The following TMEM87A variants were observed in gnomAD, a reference collection of about 807,000 sequenced individuals.
The protein encoded by TMEM87A is Golgi-pH regulating cation channel.
Under a neutral mutation model 90.0 loss-of-function variants are expected in TMEM87A, and 50 were observed. The ratio of observed to expected loss-of-function variants is 0.56; its 90% CI spans 0.44 to 0.70. TMEM87A has a LOEUF of 0.70. Among genes scored for constraint, TMEM87A ranks in the 30% least tolerant of loss-of-function variants. The probability of loss-of-function intolerance (pLI) is 0.00; values close to 1 mark genes in which losing one functional copy is unlikely to be tolerated. For synonymous variants in TMEM87A, 226 were observed against 226.7 expected (o/e 1.00, Z 0.03); for missense variants, 577 against 660.5 (o/e 0.87, Z 1.39).
rs141658814 is a variant in TMEM87A at position 42,247,919 on chromosome 15, C to T, written c.505-3752G>A. Among the ~76,000 whole-genome samples the T allele has an allele frequency of 8.9e-4, 136 of 152,288 alleles. 2 individuals are homozygous for T. In the East Asian group the frequency reaches 0.025, roughly 28 times the overall value. On this transcript the variant is annotated intron_variant, in intron 6 of 19. Transcript: ENST00000389834. The stretch of plus-strand genomic sequence containing the variant: ...AATATTGATTCTTCCTATCCATGAG[C>T]ATGGAATGTTCTTCCATTTGTTTGT...
chr15:42,212,621 T>C (rs1175906833), intron 19 of TMEM87A, among the ~76,000 whole-genome samples: 2 of 152,186 alleles, frequency 1.3e-5, no homozygotes, highest in Non-Finnish European at 2.9e-5. Context: ...GTGGAGAACA[T>C]TTTCCCCTAC....
At chr15:42,238,011 G>A (rs1205590425) in intron 8 of TMEM87A, among the ~76,000 whole-genome samples, 2 of 2,242 alleles carry the variant, frequency 8.9e-4, no homozygotes, top group East Asian at 0.012. Flanking sequence ...ATATATGTGT[G>A]TGTGTGTGTG....
chr15:42,216,961 CTT>C (rs200586475), intron 19 of TMEM87A, among the ~76,000 whole-genome samples: 31 of 138,334 alleles, frequency 2.2e-4, no homozygotes, highest in Non-Finnish European at 2.4e-4. Flanking sequence ...TTTTTCTTTT[CTT>C]TTTTTTTTTT....
intron 3 of TMEM87A, among the ~76,000 whole-genome samples, chr15:42,264,560 G>A (rs1407758144): frequency 1.6e-5 from 2 of 122,426 alleles, no homozygotes; most frequent in Non-Finnish European, 3.3e-5. Flanking sequence ...CATAAGCTAA[G>A]ATAGAGCAGA....
intron 11 of TMEM87A, 96 bp from the exon 12 acceptor site, chr15:42,231,356 A>G: frequency 1.0e-6 from 1 of 965,072 alleles, no homozygotes; most frequent in South Asian, 1.9e-5. Context: ...AATCACTGGA[A>G]AGTTTTTGCA....
chr15:42,259,502 A>G (rs1177571057), intron 6 of TMEM87A, among the ~76,000 whole-genome samples: 2 of 152,206 alleles, frequency 1.3e-5, no homozygotes, highest in Non-Finnish European at 2.9e-5. Context: ...GAGATCACCC[A>G]GTGTCAACAA....
intron 10 of TMEM87A, among the ~76,000 whole-genome samples, chr15:42,235,568 T>C (rs2050754986): frequency 6.6e-6 from 1 of 152,242 alleles, no homozygotes; most frequent in Non-Finnish European, 1.5e-5. Flanking sequence ...TTCTCTTTCC[T>C]ATCATACATC....
At chr15:42,272,927 G>C (rs767550167) in intron 1 of TMEM87A, 4 of 513,982 alleles carry the variant, frequency 7.8e-6, no homozygotes, top group Non-Finnish European at 1.5e-5. Flanking sequence ...TGGATTCTGT[G>C]AAACATCTGA....
intron 10 of TMEM87A, 71 bp downstream of exon 10, chr15:42,236,249 G>A: frequency 8.0e-7 from 1 of 1,248,260 alleles, no homozygotes; most frequent in South Asian, 1.2e-5. Flanking sequence ...TACTACATTG[G>A]GAACATGCAA....
intron 6 of TMEM87A, among the ~76,000 whole-genome samples, chr15:42,244,373 C>T (rs955709355): frequency 6.6e-6 from 1 of 151,950 alleles, no homozygotes; most frequent in African/African-American, 2.4e-5. Flanking sequence ...AGGCAAGATA[C>T]CATGTCTTGT....
At chr15:42,228,611 A>C (rs1345094072) in intron 13 of TMEM87A, 101 bp downstream of exon 13, 1 of 923,846 alleles carries the variant, frequency 1.1e-6, no homozygotes, top group African/African-American at 1.7e-5. Context: ...TTCCAAGTGA[A>C]ATATACAAAA....
At chr15:42,273,547 A>C (rs998049880), upstream of TMEM87A, 29 of 1,368,746 alleles carry the variant, frequency 2.1e-5, no homozygotes, top group Non-Finnish European at 2.7e-5. Context: ...CCCCTCTCTC[A>C]GACAGTCGTC....
intron 15 of TMEM87A, 64 bp from the exon 16 acceptor site, chr15:42,220,199 G>T: frequency 8.2e-7 from 1 of 1,224,694 alleles, no homozygotes; most frequent in Non-Finnish European, 1.2e-6. Flanking sequence ...TATACCAGTT[G>T]CATTTTACAA....
chr15:42,242,028 C>T (rs187940671), intron 7 of TMEM87A, among the ~76,000 whole-genome samples: 260 of 146,676 alleles, frequency 1.8e-3, no homozygotes, highest in African/African-American at 6.4e-3. Context: ...GATCACACCA[C>T]TGCACTCCAG....
At chr15:42,246,344 G>A (rs927094230) in intron 6 of TMEM87A, among the ~76,000 whole-genome samples, 6 of 152,042 alleles carry the variant, frequency 3.9e-5, no homozygotes, top group Admixed American at 2.0e-4. Context: ...TGTGCACAAC[G>A]TGCAGGTTTG....
At chr15:42,258,768 C>CAAAGA in intron 6 of TMEM87A, 1 of 1,432,946 alleles carries the variant, frequency 7.0e-7, no homozygotes, top group Non-Finnish European at 9.1e-7. Flanking sequence ...CAAAGACTGT[C>CAAAGA]ATGCCTAACT....
chr15:42,242,994 C>T (rs1270463086), intron 7 of TMEM87A, among the ~76,000 whole-genome samples: 7 of 152,060 alleles, frequency 4.6e-5, no homozygotes, highest in Admixed American at 6.6e-5. Flanking sequence ...GGGCCAGGCA[C>T]GGCGGCTCAC....
intron 6 of TMEM87A, chr15:42,258,374 C>A: frequency 3.0e-6 from 2 of 664,306 alleles, no homozygotes; most frequent in Non-Finnish European, 3.7e-6. Context: ...TGTATATCGT[C>A]TCCATTTTCA....
Position 42,237,594 on chromosome 15 carries a change from C to T in TMEM87A, c.706G>A (p.Val236Ile), listed in dbSNP as rs775592432. 2.5e-6 allele frequency: 4 copies of T among 1,598,048 alleles called. No individual in the cohort carries two copies. The highest frequency in any genetic ancestry group is 2.3e-5 in the East Asian group (1 of 44,432). Reference sequence around the variant, plus strand: ...CACAGAACACCAAACAGGACATATACAATACACATCACCATGAAAAACTGT... The same window carrying T: ...CACAGAACACCAAACAGGACATATATAATACACATCACCATGAAAAACTGT... Reference protein sequence around the residue: ...LMIFFMVMCIVYVLFGVLWLA... With the variant: ...LMIFFMVMCIIYVLFGVLWLA... Residue 236 changes from valine (V) to isoleucine (I), a missense_variant, in exon 9 of 20, where the codon GTA (valine) becomes ATA (isoleucine). Transcript: ENST00000389834.
Sources: allele counts gnomAD v4.1 joint callset (sites outside exome capture counted in the v4.1 genomes callset), GRCh38; gene constraint gnomAD v4.1.1; transcripts MANE v1.5; gene names NCBI Gene and HGNC (gene_info 2026-07-23, HGNC 2026-07-21).